The following PCDHGA7 variants were observed in gnomAD, a reference collection of about 807,000 sequenced individuals.
PCDHGA7 encodes the protein protocadherin gamma-A7.
PCDHGA7 carries 44 observed loss-of-function variants against 58.3 expected under a neutral mutation model. The observed-to-expected ratio is 0.75, with a 90% CI of 0.59 to 0.97. The LOEUF is 0.97. Among genes scored for constraint, PCDHGA7 ranks in the 50% least tolerant of loss-of-function variants. The pLI, the probability that PCDHGA7 is intolerant of heterozygous loss-of-function variation, is 0.00. For synonymous variants in PCDHGA7, 516 were observed against 504.2 expected (o/e 1.02, Z -0.31); for missense variants, 1,266 against 1,188.7 (o/e 1.06, Z -0.96).
At chr5:141,419,306 C>T in intron 1 of PCDHGA7, 1 of 1,614,032 alleles carries the variant, frequency 6.2e-7, no homozygotes, top group Non-Finnish European at 8.5e-7. Context: ...AGACTTCGGG[C>T]TCAACGGCCG....
intron 1 of PCDHGA7, chr5:141,408,761 G>A (rs1469424988): frequency 8.7e-6 from 14 of 1,610,446 alleles, no homozygotes; most frequent in Non-Finnish European, 1.2e-5. Flanking sequence ...AGTTAATTCC[G>A]ATGGTGGCAA....
intron 1 of PCDHGA7, chr5:141,391,507 T>C (rs2092381186): frequency 6.6e-6 from 1 of 152,172 alleles, no homozygotes; most frequent in Non-Finnish European, 1.5e-5. Context: ...AGAAAATATT[T>C]TCTTTCACTA....
Position 141,431,344 on chromosome 5 carries a change from G to T in PCDHGA7, c.2424+46021G>T. On this transcript the variant is annotated intron_variant, in intron 1 of 3. Coordinates refer to ENST00000518325, the MANE Select transcript of PCDHGA7 (RefSeq NM_018920.4). This position sits in a 1 kb window ranked among gnomAD's most constrained non-coding sequence, Gnocchi z 4.8. ...ACGGTAGTAAGTACCCCGAATTGGT[G>T]CTGAAACGCGCCCTGGACCGCGAAG... 1 of 1,614,078 alleles carries T rather than the reference G, an allele frequency of 6.2e-7. No individual in the cohort carries two copies. The highest frequency in any genetic ancestry group is 1.3e-5 in the African/African-American group (1 of 75,068).
rs1308015959 is a variant in PCDHGA7, at chr5:141,482,105, AT to A, written c.2425-12701del. Among the ~76,000 whole-genome samples, 417 of 143,332 alleles carry A rather than the reference AT, an allele frequency of 2.9e-3. 1 individual carries two copies. The highest frequency in any genetic ancestry group is 0.011 in the African/African-American group (394 of 37,394). 94.0% of individuals were successfully genotyped at this position (143,332 alleles called of 152,430 possible). Reference sequence around the variant, plus strand: ...ACTCCATCTCAAAAAAAAAAAAAAAATATCTAGAGATGGGAGAATCATATGG... The same window carrying A: ...ACTCCATCTCAAAAAAAAAAAAAAAAATCTAGAGATGGGAGAATCATATGG... On this transcript the variant is annotated intron_variant, in intron 1 of 3. Coordinates refer to ENST00000518325, the MANE Select transcript of PCDHGA7 (RefSeq NM_018920.4).
chr5:141,383,390 C>A lies in PCDHGA7; in HGVS notation c.491C>A (p.Thr164Lys). 1 of 1,614,006 alleles carries A rather than the reference C, an allele frequency of 6.2e-7. No homozygotes were observed. Among genetic ancestry groups the A allele is most frequent in the South Asian group, 1.1e-5 (1 of 91,088 alleles). The change falls in exon 1 of 4, where the codon ACG (threonine) becomes AAG (lysine). Residue 164 changes from threonine (T) to lysine (K), a missense_variant. By Grantham distance (78) the Thr-to-Lys change is moderately conservative (BLOSUM62 -1). Transcript: ENST00000518325. ...LSEAGDPDVG[T>K]NSLQSYQLSP... ...GAGGCTGGGGATCCAGATGTGGGCA[C>A]GAACTCCCTCCAGAGTTACCAGCTC...
intron 1 of PCDHGA7, among the ~76,000 whole-genome samples, chr5:141,456,287 C>T (rs951430060): frequency 1.3e-5 from 2 of 152,048 alleles, no homozygotes; most frequent in Non-Finnish European, 2.9e-5. Flanking sequence ...TGAAAAGGGG[C>T]GTCTAATGGA....
rs187495695 is a variant in PCDHGA7, at chr5:141,486,508, T to G, written c.2425-8299T>G. The G allele has an allele frequency of 9.3e-6, 15 of 1,614,172 alleles. No homozygotes were observed. In the Admixed American group the frequency reaches 2.5e-4, roughly 27 times the overall value. The stretch of plus-strand genomic sequence containing the variant: ...CCCACAGAACTATTTTCCTCAATAT[T>G]TCAGATGTGAATGATAATCCACCCT... On this transcript the variant is annotated intron_variant, in intron 1 of 3. Coordinates refer to ENST00000518325, the MANE Select transcript of PCDHGA7 (RefSeq NM_018920.4). The surrounding 1 kb of genome is among the most constrained non-coding windows in gnomAD (Gnocchi z 5.0).
At chr5:141,403,144 C>A in intron 1 of PCDHGA7, 10 of 1,614,042 alleles carry the variant, frequency 6.2e-6, no homozygotes, top group Non-Finnish European at 8.5e-6. Flanking sequence ...AGCGCCGAGT[C>A]CGCATCGTCT....
intron 1 of PCDHGA7, among the ~76,000 whole-genome samples, chr5:141,429,720 A>G (rs571388976): frequency 6.6e-6 from 1 of 152,340 alleles, no homozygotes; most frequent in South Asian, 2.1e-4. Context: ...TACGCTCATG[A>G]AAGTACGTAG....
intron 1 of PCDHGA7, chr5:141,398,862 C>T (rs771326288): frequency 1.9e-5 from 31 of 1,613,848 alleles, no homozygotes; most frequent in Non-Finnish European, 2.6e-5. Flanking sequence ...TCAACCGAGA[C>T]GTGTACAGAG....
chr5:141,422,298 T>G, intron 1 of PCDHGA7: 1 of 1,549,054 alleles, frequency 6.5e-7, no homozygotes, highest in Non-Finnish European at 8.7e-7. Flanking sequence ...TTAATTCAAT[T>G]CTGGAAAACT....
At chr5:141,414,409 A>AG in intron 1 of PCDHGA7, 1 of 1,613,870 alleles carries the variant, frequency 6.2e-7, no homozygotes. Flanking sequence ...GGTGATACAC[A>AG]GAGCCCTTGA....
At position 141,476,247 on chromosome 5, in the gene PCDHGA7, G is replaced by C. The variant is rs1439421662; in HGVS notation, c.2425-18560G>C. 1 of 1,614,042 alleles carries C rather than the reference G, an allele frequency of 6.2e-7. No individual in the cohort carries two copies. Among genetic ancestry groups the C allele is most frequent in the Non-Finnish European group, 8.5e-7 (1 of 1,180,010 alleles). ...GAGATCCCGGAGGAAAGAGAGAAGG[G>C]TTTCGCTGTGGGCAACGTGGTCGCG... On this transcript the variant is annotated intron_variant, in intron 1 of 3. Coordinates refer to ENST00000518325, the MANE Select transcript of PCDHGA7 (RefSeq NM_018920.4). The surrounding 1 kb of genome is among the most constrained non-coding windows in gnomAD (Gnocchi z 7.6).
At chr5:141,409,067 A>G (rs2095219315) in intron 1 of PCDHGA7, 2 of 1,614,034 alleles carry the variant, frequency 1.2e-6, no homozygotes, top group South Asian at 2.2e-5. Context: ...CCAGAGCACA[A>G]AACATATGTT....
chr5:141,420,199 C>T (rs764130526), intron 1 of PCDHGA7: 12 of 1,613,362 alleles, frequency 7.4e-6, no homozygotes, highest in Non-Finnish European at 1.0e-5. Context: ...CACAAGATAA[C>T]CTCAACAAAG....
chr5:141,400,426 G>A (rs1346018954), intron 1 of PCDHGA7: 1 of 1,614,060 alleles, frequency 6.2e-7, no homozygotes, highest in Non-Finnish European at 8.5e-7. Flanking sequence ...AAAATGTAGT[G>A]AGCAATTGAG....
chr5:141,404,974 C>A, intron 1 of PCDHGA7: 1 of 1,614,022 alleles, frequency 6.2e-7, no homozygotes, highest in South Asian at 1.1e-5. Flanking sequence ...TCCTGGCTGA[C>A]CTGGGCAGTC....
chr5:141,441,671 C>T (rs1027440120), intron 1 of PCDHGA7: 1 of 287,648 alleles, frequency 3.5e-6, no homozygotes, highest in African/African-American at 2.3e-5. Flanking sequence ...GCGCACAGTG[C>T]GCCTTCGACC....
rs1042973261 is a variant in PCDHGA7 at position 141,491,547 on chromosome 5, G to T, written c.2425-3260G>T. ...AGGTGACGCTGCGGCCCACAGACTC[G>T]CAGAGCCACTGCTACAGGACGTGCT... On this transcript the variant is annotated intron_variant, in intron 1 of 3. Transcript: ENST00000518325. The surrounding 1 kb of genome is among the most constrained non-coding windows in gnomAD (Gnocchi z 6.9). 6.8e-6 allele frequency: 11 copies of T among 1,613,856 alleles called. No homozygotes were observed. Among genetic ancestry groups the T allele is most frequent in the Middle Eastern group, 1.6e-4 (1 of 6,084 alleles).
Sources: gnomAD v4.1 joint callset for allele counts (sites outside exome capture counted in the v4.1 genomes callset) on GRCh38, gnomAD v4.1.1 for gene constraint, Gnocchi (gnomAD v3.1) non-coding constraint, MANE v1.5 for transcripts, NCBI Gene and HGNC (gene_info 2026-07-23, HGNC 2026-07-21) for gene names.